Variants in TRAPPC9 observed in about 807,000 individuals in gnomAD.
TRAPPC9 encodes the protein IKK2 binding protein.
In TRAPPC9, 83 loss-of-function variants were observed where a neutral mutation model predicts 124.0. The observed-to-expected ratio is 0.67, with a 90% CI of 0.56 to 0.80. TRAPPC9 has a LOEUF of 0.80. TRAPPC9 is among the 30% of genes least tolerant of loss of function. The pLI is 0.00. For synonymous variants in TRAPPC9, 638 were observed against 617.5 expected, an observed-to-expected ratio of 1.03 and a Z score of -0.49; for missense variants, 1,302 against 1,508.3, an observed-to-expected ratio of 0.86 and a Z score of 2.27.
intron 18 of TRAPPC9, among the ~76,000 whole-genome samples, chr8:140,002,844 C>CAAAAAAA (rs56895763): frequency 4.5e-4 from 31 of 68,794 alleles, no homozygotes; most frequent in Non-Finnish European, 6.2e-4. Context: ...TTCCACTTAT[C>CAAAAAAA]AAAAAAAAAA....
At chr8:139,838,681 C>T (rs981312774) in intron 21 of TRAPPC9, among the ~76,000 whole-genome samples, 9 of 152,304 alleles carry the variant, frequency 5.9e-5, no homozygotes, top group South Asian at 4.1e-4. Context: ...GCAAGGTTAC[C>T]GAGGAGGCCT....
intron 18 of TRAPPC9, among the ~76,000 whole-genome samples, chr8:140,012,267 G>A (rs1839188669): frequency 1.3e-5 from 2 of 152,302 alleles, no homozygotes; most frequent in Middle Eastern, 3.4e-3. Flanking sequence ...AGGAAGTAGA[G>A]TTCCATCCCC....
intron 19 of TRAPPC9, among the ~76,000 whole-genome samples, chr8:139,976,268 G>A (rs1345094346): frequency 6.6e-6 from 1 of 151,898 alleles, no homozygotes; most frequent in East Asian, 1.9e-4. Flanking sequence ...CCTCACACCC[G>A]ACACAAAAAA....
intron 21 of TRAPPC9, among the ~76,000 whole-genome samples, chr8:139,836,576 C>G (rs73364164): frequency 3.5e-3 from 539 of 152,320 alleles, no homozygotes; most frequent in Admixed American, 9.2e-3. Context: ...TGCCGCCACA[C>G]GGGGCAACTG....
At chr8:140,296,399 G>A (rs879599087) in intron 11 of TRAPPC9, among the ~76,000 whole-genome samples, 3 of 152,106 alleles carry the variant, frequency 2.0e-5, no homozygotes, top group Non-Finnish European at 2.9e-5. Context: ...CAACTAGCTG[G>A]GACCACAGGT....
chr8:139,838,007 C>G (rs1159553262), intron 21 of TRAPPC9, among the ~76,000 whole-genome samples: 1 of 152,200 alleles, frequency 6.6e-6, no homozygotes, highest in Non-Finnish European at 1.5e-5. Flanking sequence ...GATCACACCA[C>G]CCAAAGCCTT....
intron 19 of TRAPPC9, among the ~76,000 whole-genome samples, chr8:139,973,488 T>C (rs2614723): frequency 0.82 from 124,770 of 152,228 alleles, 51,397 homozygotes; most frequent in East Asian, 0.92. Context: ...TTACCAAGTC[T>C]ACCTTCCTAC....
At chr8:139,840,383 C>T (rs1250775108) in intron 21 of TRAPPC9, among the ~76,000 whole-genome samples, 1 of 152,208 alleles carries the variant, frequency 6.6e-6, no homozygotes, top group African/African-American at 2.4e-5. Flanking sequence ...CAGGAGTGAT[C>T]CTGGATTCGG....
chr8:140,440,587 C>CT (rs1422841074), intron 2 of TRAPPC9, among the ~76,000 whole-genome samples: 1 of 152,178 alleles, frequency 6.6e-6, no homozygotes, highest in Non-Finnish European at 1.5e-5. Flanking sequence ...CGCCTAGTCT[C>CT]TGACTCCTCA....
At chr8:140,415,288 T>C (rs1247355008) in intron 5 of TRAPPC9, among the ~76,000 whole-genome samples, 4 of 151,874 alleles carry the variant, frequency 2.6e-5, no homozygotes, top group Non-Finnish European at 5.9e-5. Context: ...GTACAGTGGC[T>C]CACACCTATA....
intron 17 of TRAPPC9, among the ~76,000 whole-genome samples, chr8:140,159,684 CA>C (rs1382210788): frequency 6.6e-6 from 1 of 151,600 alleles, no homozygotes; most frequent in Admixed American, 6.6e-5. Context: ...AAAAGAGGAG[CA>C]AAAAAAACCC....
chr8:140,170,402 C>G (rs1318433226), intron 17 of TRAPPC9, among the ~76,000 whole-genome samples: 5 of 152,206 alleles, frequency 3.3e-5, no homozygotes, highest in Non-Finnish European at 5.9e-5. Flanking sequence ...AGCAAAAGAG[C>G]CCCAACAGGA....
intron 18 of TRAPPC9, among the ~76,000 whole-genome samples, chr8:139,994,155 G>A (rs1837819579): frequency 6.6e-6 from 1 of 152,252 alleles, no homozygotes; most frequent in East Asian, 1.9e-4. Context: ...CACAGAGCTA[G>A]TGCTTAGGGA....
chr8:139,932,368 A>C, intron 19 of TRAPPC9: 1 of 457,938 alleles, frequency 2.2e-6, no homozygotes, highest in Non-Finnish European at 4.4e-6. Flanking sequence ...GACATATGCC[A>C]CACTGGATCA....
chr8:140,251,651 A>C (rs925373260), intron 16 of TRAPPC9, among the ~76,000 whole-genome samples: 4 of 152,150 alleles, frequency 2.6e-5, no homozygotes, highest in Non-Finnish European at 5.9e-5. Context: ...CCTATCCCCC[A>C]GTGGGACAGC....
chr8:139,910,299 T>C lies in TRAPPC9; in HGVS notation c.2812A>G (p.Met938Val). Reference sequence around the variant, plus strand: ...TTGAACTTGTCCACTTGAATAGCCATTCTACGAGAAAGGGGAAAACACAGC... The same window carrying C: ...TTGAACTTGTCCACTTGAATAGCCACTCTACGAGAAAGGGGAAAACACAGC... Reference protein sequence around the residue: ...LILHAGECQRMAIQVDKFNFE... With the variant: ...LILHAGECQRVAIQVDKFNFE... Residue 938 changes from methionine (M) to valine (V), a missense_variant and splice_region_variant, in exon 20 of 23, where the codon ATG (methionine) becomes GTG (valine). Coordinates refer to ENST00000438773, the MANE Select transcript of TRAPPC9 (RefSeq NM_001160372.4). 1 of 1,614,160 alleles carries C rather than the reference T, an allele frequency of 6.2e-7. No individual in the cohort carries two copies. The highest frequency in any genetic ancestry group is 8.5e-7 in the Non-Finnish European group (1 of 1,180,032).
intron 4 of TRAPPC9, among the ~76,000 whole-genome samples, chr8:140,431,389 AGAGGTTGCAGT>A (rs1406232158): frequency 6.6e-6 from 1 of 151,938 alleles, no homozygotes; most frequent in Non-Finnish European, 1.5e-5. Flanking sequence ...CCCAGGAGAC[AGAGGTTGCAGT>A]GAGCTACTGC....
intron 17 of TRAPPC9, among the ~76,000 whole-genome samples, chr8:140,036,849 T>A (rs936885720): frequency 2.6e-5 from 4 of 152,182 alleles, no homozygotes; most frequent in East Asian, 3.9e-4. Context: ...TTATTTTTTT[T>A]ATTTTTTTAA....
rs2068263541 is a variant in TRAPPC9, at chr8:140,370,951, G to T, written c.1351+13C>A. The T allele has an allele frequency of 6.2e-7, 1 of 1,613,460 alleles. No individual in the cohort carries two copies. The highest frequency in any genetic ancestry group is 8.5e-7 in the Non-Finnish European group (1 of 1,179,958). On this transcript the variant is annotated intron_variant, in intron 8 of 22. Transcript: ENST00000438773. ...AAAGCAACACCTTAGCGCCAGCAAG[G>T]GGACTCCAGTACCTCTGCTGAAATC... is the stretch of plus-strand genomic sequence containing the variant.
Sources: gnomAD v4.1 joint callset for allele counts (sites outside exome capture counted in the v4.1 genomes callset) on GRCh38, gnomAD v4.1.1 for gene constraint, MANE v1.5 for transcripts, NCBI Gene and HGNC (gene_info 2026-07-23, HGNC 2026-07-21) for gene names.